LRRC4C: variants seen among roughly 807,000 people sequenced by gnomAD.
LRRC4C encodes the protein leucine-rich repeat-containing protein 4C.
A neutral mutation model predicts 33.6 loss-of-function variants in LRRC4C; 5 were observed. That is an observed-to-expected ratio of 0.15 (90% CI 0.08 to 0.31). The LOEUF is 0.31. Among genes scored for constraint, LRRC4C ranks in the 10% least tolerant of loss-of-function variants. LRRC4C has a pLI of 1.00. For missense variants in LRRC4C, 560 were observed against 796.7 expected (o/e 0.70, Z 3.58); for synonymous variants, 329 against 302.0 (o/e 1.09, Z -0.93).
intron 1 of LRRC4C, among the ~76,000 whole-genome samples, chr11:40,978,959 T>C (rs1852302206): frequency 6.6e-6 from 1 of 152,004 alleles, no homozygotes; most frequent in Non-Finnish European, 1.5e-5. Context: ...TTTCAGTTAT[T>C]CTCAGCTTCT....
At chr11:41,052,313 T>C (rs1858290079) in intron 1 of LRRC4C, among the ~76,000 whole-genome samples, 1 of 152,152 alleles carries the variant, frequency 6.6e-6, no homozygotes, top group African/African-American at 2.4e-5. Flanking sequence ...GGCTAAATTC[T>C]GATTGCATTC....
intron 3 of LRRC4C, among the ~76,000 whole-genome samples, chr11:40,506,934 G>C (rs778685170): frequency 1.5e-4 from 23 of 151,968 alleles, no homozygotes; most frequent in Non-Finnish European, 2.8e-4. Flanking sequence ...TGTTAATTTA[G>C]GGAAGTATAC....
At chr11:41,426,378 A>C (rs1478922657) in intron 1 of LRRC4C, 1 of 152,178 alleles carries the variant, frequency 6.6e-6, no homozygotes, top group Non-Finnish European at 1.5e-5. Flanking sequence ...TCTGGAGCTG[A>C]CCACACCTGG....
chr11:41,423,858 T>C (rs1457755351), intron 1 of LRRC4C: 1 of 152,054 alleles, frequency 6.6e-6, no homozygotes, highest in African/African-American at 2.4e-5. Context: ...GTCTCTGATA[T>C]GGTTTGGCTT....
chr11:41,228,142 AT>A (rs1947626106), intron 1 of LRRC4C, among the ~76,000 whole-genome samples: 2 of 151,972 alleles, frequency 1.3e-5, no homozygotes, highest in African/African-American at 2.4e-5. Flanking sequence ...CTTTCTATCT[AT>A]GTTATTTTTC....
At chr11:40,414,303 A>G (rs1258431915) in intron 3 of LRRC4C, among the ~76,000 whole-genome samples, 1 of 152,046 alleles carries the variant, frequency 6.6e-6, no homozygotes, top group Non-Finnish European at 1.5e-5. Flanking sequence ...GAGATTACAG[A>G]TTTTGCTGAA....
At chr11:40,608,237 A>G (rs1960836467) in intron 3 of LRRC4C, among the ~76,000 whole-genome samples, 1 of 152,214 alleles carries the variant, frequency 6.6e-6, no homozygotes, top group African/African-American at 2.4e-5. Context: ...AATTCGTGAC[A>G]TTAATAAATT....
chr11:41,263,906 G>C (rs1250712264), intron 1 of LRRC4C, among the ~76,000 whole-genome samples: 4 of 152,022 alleles, frequency 2.6e-5, no homozygotes, highest in Non-Finnish European at 4.4e-5. Context: ...TTAAGATTGG[G>C]GGAAGATAGC....
At chr11:40,436,716 G>A (rs752525150) in intron 3 of LRRC4C, among the ~76,000 whole-genome samples, 4 of 152,204 alleles carry the variant, frequency 2.6e-5, no homozygotes, top group African/African-American at 9.7e-5. Flanking sequence ...GGCCCGAAAC[G>A]TAACACACCA....
intron 2 of LRRC4C, among the ~76,000 whole-genome samples, chr11:40,865,998 T>C (rs1954347599): frequency 1.3e-5 from 2 of 151,984 alleles, no homozygotes; most frequent in East Asian, 1.9e-4. Flanking sequence ...TATTAAATTG[T>C]CTATATGAGG....
intron 1 of LRRC4C, among the ~76,000 whole-genome samples, chr11:40,953,216 AATAAAGTAAGGGAGTT>A (rs1592175731): frequency 6.6e-6 from 1 of 151,990 alleles, no homozygotes; most frequent in Non-Finnish European, 1.5e-5. Context: ...ACTCTATGGA[AATAAAGTAAGGGAGTT>A]ATACAAAAAA....
chr11:40,215,023 T>C (rs1256213644), intron 5 of LRRC4C, among the ~76,000 whole-genome samples: 3 of 152,148 alleles, frequency 2.0e-5, no homozygotes, highest in Admixed American at 6.6e-5. Flanking sequence ...GTCTGCATAA[T>C]TGACATTAAT....
chr11:41,083,549 T>C (rs1366348800), intron 1 of LRRC4C, among the ~76,000 whole-genome samples: 3 of 152,206 alleles, frequency 2.0e-5, no homozygotes, highest in African/African-American at 7.2e-5. Flanking sequence ...ATGTGGATGA[T>C]ACAGCTAGGG....
intron 1 of LRRC4C, among the ~76,000 whole-genome samples, chr11:41,214,214 G>A (rs1166138165): frequency 6.6e-6 from 1 of 152,052 alleles, no homozygotes; most frequent in Non-Finnish European, 1.5e-5. Flanking sequence ...ACCATTGGCA[G>A]TCTACTCAGA....
At chr11:40,447,219 A>T (rs746291165) in intron 3 of LRRC4C, 1 of 154,398 alleles carries the variant, frequency 6.5e-6, no homozygotes, top group Non-Finnish European at 1.5e-5. Flanking sequence ...TGGACTCATA[A>T]TTGAGATCAA....
intron 3 of LRRC4C, among the ~76,000 whole-genome samples, chr11:40,473,706 A>T (rs1179601787): frequency 6.6e-6 from 1 of 152,186 alleles, no homozygotes; most frequent in Non-Finnish European, 1.5e-5. Flanking sequence ...AGAAAACCCC[A>T]TCGTCTCAGC....
intron 2 of LRRC4C, among the ~76,000 whole-genome samples, chr11:40,711,322 T>C (rs796071906): frequency 1.3e-4 from 20 of 152,296 alleles, no homozygotes; most frequent in African/African-American, 4.8e-4. Context: ...TTTGGTCATC[T>C]TGGAATGGAC....
rs1360920903 is a variant in LRRC4C, at chr11:40,578,141, G to GTTT, written c.-270+69998_-270+70000dup. ...GATATTATTGGACTTTTTTTTTTCG[G>GTTT]TTTTTTTTTTTTTTTTTTTTTTTTT... is the stretch of plus-strand genomic sequence containing the variant. On this transcript the variant is annotated intron_variant, in intron 3 of 6. Transcript: ENST00000528697. Among the ~76,000 whole-genome samples, 6 of 50,134 alleles carry GTTT rather than the reference G, an allele frequency of 1.2e-4. 1 individual carries two copies. The highest frequency in any genetic ancestry group is 1.0e-3 in the Admixed American group (3 of 2,908). 32.9% of individuals were successfully genotyped at this position (50,134 alleles called of 152,430 possible).
At chr11:40,845,175 C>A (rs556720287) in intron 2 of LRRC4C, among the ~76,000 whole-genome samples, 2 of 150,690 alleles carry the variant, frequency 1.3e-5, no homozygotes, top group South Asian at 4.2e-4. Context: ...TTTTATTATA[C>A]CTTAAGTTCT....
Sources: allele counts gnomAD v4.1 joint callset (sites outside exome capture counted in the v4.1 genomes callset), GRCh38; gene constraint gnomAD v4.1.1; transcripts MANE v1.5; gene names NCBI Gene and HGNC (gene_info 2026-07-23, HGNC 2026-07-21).